Variants in MARCHF1 observed in about 807,000 individuals in gnomAD.
MARCHF1 encodes the protein membrane associated ring-CH-type finger 1, also known as E3 ubiquitin-protein ligase MARCHF1.
MARCHF1 carries 40 observed loss-of-function variants against 54.2 expected under a neutral mutation model. That is an observed-to-expected ratio of 0.74 (90% confidence interval 0.57 to 0.96). MARCHF1 has a LOEUF of 0.96. MARCHF1 is among the 40% of genes least tolerant of loss of function. The pLI, the probability that MARCHF1 is intolerant of heterozygous loss-of-function variation, is 0.00. For missense variants in MARCHF1, 586 were observed against 656.5 expected (o/e 0.89, Z 1.17); for synonymous variants, 236 against 236.3 (o/e 1.00, Z 0.01).
At chr4:163,752,734 CAAATGTTTGAT>C (rs1376030445) in intron 4 of MARCHF1, among the ~76,000 whole-genome samples, 1 of 152,044 alleles carries the variant, frequency 6.6e-6, no homozygotes, top group Non-Finnish European at 1.5e-5. Flanking sequence ...AGAAAAATCA[CAAATGTTTGAT>C]AAATGTTTGA....
At chr4:163,617,731 A>G (rs1407606657) in intron 5 of MARCHF1, among the ~76,000 whole-genome samples, 1 of 152,140 alleles carries the variant, frequency 6.6e-6, no homozygotes, top group Non-Finnish European at 1.5e-5. Context: ...GCACTGAGTA[A>G]AGGTCACCTG....
chr4:164,304,972 T>C (rs1258627522), intron 1 of MARCHF1, among the ~76,000 whole-genome samples: 2 of 152,206 alleles, frequency 1.3e-5, no homozygotes, highest in African/African-American at 4.8e-5. Context: ...TGAATCTGAA[T>C]GTTTTCATCA....
At chr4:164,341,921 C>T (rs1033569740) in intron 1 of MARCHF1, among the ~76,000 whole-genome samples, 23 of 152,148 alleles carry the variant, frequency 1.5e-4, no homozygotes, top group African/African-American at 5.6e-4. Context: ...AAATTTGTTG[C>T]ATTCTATACA....
At chr4:164,292,333 G>A (rs1338573511) in intron 1 of MARCHF1, among the ~76,000 whole-genome samples, 4 of 151,728 alleles carry the variant, frequency 2.6e-5, no homozygotes, top group South Asian at 2.1e-4. Context: ...ATGGTTATGC[G>A]TTTTTTTTCA....
chr4:164,239,650 G>A (rs1732668713), intron 1 of MARCHF1, among the ~76,000 whole-genome samples: 1 of 152,040 alleles, frequency 6.6e-6, no homozygotes, highest in Non-Finnish European at 1.5e-5. Context: ...GAAAATGTCT[G>A]CTTACCCATC....
chr4:163,569,886 G>A (rs528503045), intron 8 of MARCHF1, among the ~76,000 whole-genome samples: 9 of 152,224 alleles, frequency 5.9e-5, no homozygotes, highest in Admixed American at 3.3e-4. Context: ...GCAAATGAAC[G>A]CCTGGAGCAA....
chr4:163,599,296 A>ATT (rs902818222), intron 7 of MARCHF1, among the ~76,000 whole-genome samples: 3 of 29,008 alleles, frequency 1.0e-4, no homozygotes, highest in African/African-American at 3.1e-4. Flanking sequence ...TCTCAAAAAA[A>ATT]TTATATATAT....
chr4:164,011,450 GGCAAA>G (rs1753418833), intron 2 of MARCHF1, among the ~76,000 whole-genome samples: 1 of 152,034 alleles, frequency 6.6e-6, no homozygotes, highest in Admixed American at 6.5e-5. Flanking sequence ...TTAAAAACTG[GGCAAA>G]AGATCTGAAC....
intron 1 of MARCHF1, among the ~76,000 whole-genome samples, chr4:164,121,421 G>A (rs574424043): frequency 1.3e-5 from 2 of 152,092 alleles, no homozygotes; most frequent in South Asian, 4.1e-4. Context: ...AATCATGGTG[G>A]AAGGGGAAGA....
intron 1 of MARCHF1, among the ~76,000 whole-genome samples, chr4:164,270,279 A>C (rs1216785651): frequency 6.6e-6 from 1 of 152,162 alleles, no homozygotes; most frequent in Admixed American, 6.6e-5. Flanking sequence ...TTGCTCTTGC[A>C]TGTCCTTCAA....
chr4:163,622,111 C>T (rs906691680), intron 5 of MARCHF1, among the ~76,000 whole-genome samples: 1 of 151,936 alleles, frequency 6.6e-6, no homozygotes, highest in Non-Finnish European at 1.5e-5. Context: ...AGATTGCTTA[C>T]CCAGGGAAGT....
intron 4 of MARCHF1, among the ~76,000 whole-genome samples, chr4:163,703,840 C>T (rs1419775755): frequency 2.6e-5 from 4 of 151,938 alleles, no homozygotes; most frequent in Non-Finnish European, 5.9e-5. Flanking sequence ...TGACTATTAT[C>T]GTTTTTCAAA....
At chr4:163,780,113 A>AT (rs1005189069) in intron 4 of MARCHF1, among the ~76,000 whole-genome samples, 67 of 152,220 alleles carry the variant, frequency 4.4e-4, no homozygotes, top group African/African-American at 1.5e-3. Context: ...TACAGATATT[A>AT]TTTTTTCCTA....
At chr4:164,072,012 A>C (rs2111092935) in intron 2 of MARCHF1, among the ~76,000 whole-genome samples, 2 of 152,166 alleles carry the variant, frequency 1.3e-5, no homozygotes, top group South Asian at 4.1e-4. Flanking sequence ...ATGCATCTGC[A>C]GATATTTTTT....
intron 4 of MARCHF1, among the ~76,000 whole-genome samples, chr4:163,733,218 T>TATATATATATAC (rs1561047020): frequency 3.7e-5 from 1 of 27,088 alleles, no homozygotes; most frequent in Non-Finnish European, 1.3e-4. Flanking sequence ...TATATATATA[T>TATATATATATAC]ATACACGTGT....
chr4:163,893,685 G>A (rs1750714286), intron 3 of MARCHF1, among the ~76,000 whole-genome samples: 1 of 152,152 alleles, frequency 6.6e-6, no homozygotes, highest in Admixed American at 6.5e-5. Flanking sequence ...ATTAAAAAAT[G>A]TATTGAGCCT....
intron 2 of MARCHF1, among the ~76,000 whole-genome samples, chr4:164,108,670 A>G (rs1755762498): frequency 6.6e-6 from 1 of 152,116 alleles, no homozygotes; most frequent in African/African-American, 2.4e-5. Flanking sequence ...TTAAATTAAA[A>G]AAAACTTGGA....
At chr4:164,284,334 CAGAG>C (rs139533400) in intron 1 of MARCHF1, among the ~76,000 whole-genome samples, 1,906 of 117,492 alleles carry the variant, frequency 0.016, 60 homozygotes, top group African/African-American at 0.037. Flanking sequence ...GAGAGAGAGA[CAGAG>C]AGAGAGAGAG....
chr4:163,742,332 TTCCCTCCCTCCCTCTCTCCC>T (rs1253458350), intron 4 of MARCHF1, among the ~76,000 whole-genome samples: 21 of 144,196 alleles, frequency 1.5e-4, no homozygotes, highest in South Asian at 4.8e-4. Context: ...CTCCCTCCCT[TTCCCTCCCTCCCTCTCTCCC>T]TCCCTCCCTC....
Sources: allele counts gnomAD v4.1 joint callset (sites outside exome capture counted in the v4.1 genomes callset), GRCh38; gene constraint gnomAD v4.1.1; transcripts MANE v1.5; gene names NCBI Gene and HGNC (gene_info 2026-07-23, HGNC 2026-07-21).